The following RANBP3 variants were observed in gnomAD, a reference collection of about 807,000 sequenced individuals.
The protein encoded by RANBP3 is ran-binding protein 3.
Under a neutral mutation model 77.3 loss-of-function variants are expected in RANBP3, and 14 were observed. The ratio of observed to expected loss-of-function variants is 0.18; its 90% CI spans 0.12 to 0.28. The LOEUF (loss-of-function observed/expected upper bound fraction) is 0.28. RANBP3 is among the 10% of genes least tolerant of loss of function. RANBP3 has a pLI of 1.00. For missense variants in RANBP3, 586 were observed against 752.3 expected (o/e 0.78, Z 2.59); for synonymous variants, 315 against 312.4 (o/e 1.01, Z -0.09).
At chr19:5,955,835 C>T (rs1359963970) in intron 2 of RANBP3, among the ~76,000 whole-genome samples, 1 of 152,224 alleles carries the variant, frequency 6.6e-6, no homozygotes, top group Admixed American at 6.5e-5. Flanking sequence ...TTCTTGTTGG[C>T]TCATGCCCAC....
chr19:5,957,692 T>C (rs2058351784), intron 2 of RANBP3, among the ~76,000 whole-genome samples: 1 of 152,110 alleles, frequency 6.6e-6, no homozygotes, highest in African/African-American at 2.4e-5. Flanking sequence ...AACTGTACTC[T>C]CTGAGCCCTT....
rs1432842847 is a variant in RANBP3, at chr19:5,958,889, T to TGCTGTGG, written c.23-923_23-917dup. Among the ~76,000 whole-genome samples, 5 of 152,270 alleles carry TGCTGTGG rather than the reference T, an allele frequency of 3.3e-5. No homozygotes were observed. Among genetic ancestry groups the TGCTGTGG allele is most frequent in the Non-Finnish European group, 7.3e-5 (5 of 68,042 alleles). ...AGCAGCTGTGACTCTGGTGAATGCC[T>TGCTGTGG]GCTGTGGGCTGCGGGCTGCGCACTG... On this transcript the variant is annotated intron_variant, in intron 1 of 16. Coordinates refer to ENST00000340578, the MANE Select transcript of RANBP3 (RefSeq NM_007322.3). This position sits in a 1 kb window ranked among gnomAD's most constrained non-coding sequence, Gnocchi z 4.4.
chr19:5,923,786 C>T (rs750072285), intron 12 of RANBP3, 26 bp downstream of exon 12: 2 of 1,558,630 alleles, frequency 1.3e-6, no homozygotes, highest in Admixed American at 1.7e-5. Context: ...CCATGAGCCC[C>T]ATGCTGTGGT....
chr19:5,931,948 T>C (rs1027103925), intron 7 of RANBP3, among the ~76,000 whole-genome samples: 2 of 151,992 alleles, frequency 1.3e-5, no homozygotes, highest in Admixed American at 1.3e-4. Context: ...GGTGGGAGGA[T>C]CGCTTGAGCC....
rs2145190011 is a variant in RANBP3 at position 5,952,567 on chromosome 19, T to C, written c.79-971A>G. ...TCCCTCTTGGCATCGTCCAACGACATGGAGCCATTTCTCGCACTCGGTGAC... is the reference window on the plus strand; with the variant it reads ...TCCCTCTTGGCATCGTCCAACGACACGGAGCCATTTCTCGCACTCGGTGAC... On this transcript the variant is annotated intron_variant, in intron 2 of 16. Transcript: ENST00000340578. This position sits in a 1 kb window ranked among gnomAD's most constrained non-coding sequence, Gnocchi z 4.1. Among the ~76,000 whole-genome samples the C allele has an allele frequency of 6.6e-6, 1 of 152,328 alleles. No individual in the cohort carries two copies. Among genetic ancestry groups the C allele is most frequent in the Admixed American group, 6.5e-5 (1 of 15,306 alleles).
chr19:5,954,294 T>C (rs940894693), intron 2 of RANBP3, among the ~76,000 whole-genome samples: 3 of 152,140 alleles, frequency 2.0e-5, no homozygotes, highest in Admixed American at 1.3e-4. Context: ...TTCTTGATCT[T>C]TGAGGATCAA....
At position 5,932,715 on chromosome 19, in the gene RANBP3, GCTA is replaced by G. The variant is rs1487316264; in HGVS notation, c.473-174_473-172del. On this transcript the variant is annotated intron_variant, in intron 6 of 16. Coordinates refer to ENST00000340578, the MANE Select transcript of RANBP3 (RefSeq NM_007322.3). ...TTTTAACAGCTGGCCAGGAGATCTGGCTACTGTTATTTTTACATGTGATTACAT... is the reference window on the plus strand; with the variant it reads ...TTTTAACAGCTGGCCAGGAGATCTGGCTGTTATTTTTACATGTGATTACAT... 1.0e-5 allele frequency: 6 copies of G among 590,014 alleles called. No individual in the cohort carries two copies. In the African/African-American group the frequency reaches 1.1e-4, roughly 11 times the overall value. 36.5% of individuals were successfully genotyped at this position (590,014 alleles called of 1,614,324 possible). A position where few individuals can be genotyped will look rare whatever the true frequency, so the allele number is the denominator to read the frequency against.
At chr19:5,931,128 A>C (rs369761032) in intron 8 of RANBP3, among the ~76,000 whole-genome samples, 1 of 152,202 alleles carries the variant, frequency 6.6e-6, no homozygotes, top group South Asian at 2.1e-4. Flanking sequence ...CCCTTCCGGC[A>C]GAACTCTGGG....
intron 5 of RANBP3, among the ~76,000 whole-genome samples, chr19:5,938,761 T>A (rs544251001): frequency 4.6e-5 from 7 of 152,288 alleles, no homozygotes; most frequent in African/African-American, 1.7e-4. Context: ...GCAAAATTAA[T>A]GTGAGAATGC....
rs1193767350 is a variant in RANBP3, at chr19:5,932,468, C to T, written c.549G>A (p.Lys183=). 3 of 1,613,764 alleles carry T rather than the reference C, an allele frequency of 1.9e-6. No individual in the cohort carries two copies. Among genetic ancestry groups the T allele is most frequent in the African/African-American group, 1.3e-5 (1 of 74,930 alleles). The change falls in exon 7 of 17, where the codon AAG becomes AAA. Residue 183 remains lysine (K), a synonymous_variant. Coordinates refer to ENST00000340578, the MANE Select transcript of RANBP3 (RefSeq NM_007322.3). The part of the protein sequence containing the change: ...RPAVLQAPQP[K]ALSQTVPSSG... ...GTTTCTTACCAGTCTGGGACAGCGC[C>T]TTTGGCTGCGGAGCTTGTAACACTG...
Position 5,978,056 on chromosome 19 carries a change from C to CCT in RANBP3, c.22+3_22+4dup, listed in dbSNP as rs778045931. On this transcript the variant is annotated splice_donor_region_variant and intron_variant, in intron 1 of 16. Coordinates refer to ENST00000340578, the MANE Select transcript of RANBP3 (RefSeq NM_007322.3). Reference sequence around the variant, plus strand: ...CCAGCCGGTCCCCAACGGCGCCTCCCCTACCTTCGTTCGCCAGGTCCGCCA... The same window carrying CCT: ...CCAGCCGGTCCCCAACGGCGCCTCCCCTCTACCTTCGTTCGCCAGGTCCGCCA... 6.2e-7 allele frequency: 1 copy of CCT among 1,610,924 alleles called. No individual in the cohort carries two copies. Among genetic ancestry groups the CCT allele is most frequent in the Non-Finnish European group, 8.5e-7 (1 of 1,178,786 alleles).
intron 3 of RANBP3, among the ~76,000 whole-genome samples, chr19:5,944,270 G>C (rs1365512100): frequency 6.6e-6 from 1 of 152,218 alleles, no homozygotes; most frequent in Non-Finnish European, 1.5e-5. Context: ...CCTGGGTGCA[G>C]CCAGGAGGCG....
intron 5 of RANBP3, 179 bp from the exon 6 acceptor site, chr19:5,933,658 TGGA>T: frequency 1.8e-6 from 1 of 542,740 alleles, no homozygotes; most frequent in South Asian, 2.3e-5. Context: ...GGAAGGCGCC[TGGA>T]GGAGGGGAGA....
chr19:5,975,976 C>A (rs950044966), intron 1 of RANBP3, among the ~76,000 whole-genome samples: 34 of 152,060 alleles, frequency 2.2e-4, no homozygotes, highest in Non-Finnish European at 4.1e-4. Flanking sequence ...CCACTATGGG[C>A]TGAGAAGTTC....
At chr19:5,945,435 A>C (rs1241698987) in intron 3 of RANBP3, among the ~76,000 whole-genome samples, 7 of 152,136 alleles carry the variant, frequency 4.6e-5, no homozygotes, top group Admixed American at 4.6e-4. Context: ...TTGATCCTTT[A>C]AAATTTGAGA....
intron 9 of RANBP3, among the ~76,000 whole-genome samples, chr19:5,926,165 G>A (rs912483445): frequency 1.3e-5 from 2 of 152,096 alleles, no homozygotes; most frequent in African/African-American, 4.8e-5. Flanking sequence ...TCAAATGCAC[G>A]ATCTGCTTTA....
Position 5,951,493 on chromosome 19 carries a change from T to A in RANBP3, c.182A>T (p.His61Leu). Reference protein sequence around the residue: ...GTGHPESAGEHALEPPAPAGA... With the variant: ...GTGHPESAGELALEPPAPAGA... ...AGCAGGGGCAGGAGGTTCTAGGGCATGCTCGCCAGCTGACTCGGGGTGACC... is the reference window on the plus strand; with the variant it reads ...AGCAGGGGCAGGAGGTTCTAGGGCAAGCTCGCCAGCTGACTCGGGGTGACC... Residue 61 changes from histidine (H) to leucine (L), a missense_variant, in exon 3 of 17, where the codon CAT becomes CTT. This residue lies in a region of RANBP3 where 172 missense variants were observed against 183.4 expected (regional missense o/e 0.94). Coordinates refer to ENST00000340578, the MANE Select transcript of RANBP3 (RefSeq NM_007322.3). 1 of 1,611,212 alleles carries A rather than the reference T, an allele frequency of 6.2e-7. No homozygotes were observed. Among genetic ancestry groups the A allele is most frequent in the East Asian group, 2.2e-5 (1 of 44,830 alleles).
At chr19:5,941,951 C>G (rs1412057350) in intron 3 of RANBP3, 116 bp from the exon 4 acceptor site, 1 of 1,171,904 alleles carries the variant, frequency 8.5e-7, no homozygotes, top group Non-Finnish European at 1.2e-6. Flanking sequence ...GTTCCCAGAG[C>G]CCAGCACCCG....
intron 3 of RANBP3, 125 bp from the exon 4 acceptor site, chr19:5,941,960 C>T (rs1413339411): frequency 3.8e-6 from 4 of 1,039,366 alleles, no homozygotes; most frequent in African/African-American, 1.6e-5. Flanking sequence ...GCCCAGCACC[C>T]GAATGAGAGC....
Sources: gnomAD v4.1 joint callset for allele counts (sites outside exome capture counted in the v4.1 genomes callset) on GRCh38, gnomAD v4.1.1 for gene constraint, gnomAD v4.1.1 regional missense constraint, Gnocchi (gnomAD v3.1) non-coding constraint, MANE v1.5 for transcripts, NCBI Gene and HGNC (gene_info 2026-07-23, HGNC 2026-07-21) for gene names.